EYA1: variants seen among roughly 807,000 people sequenced by gnomAD.
EYA1 encodes the protein protein phosphatase EYA1.
A neutral mutation model predicts 82.0 loss-of-function variants in EYA1; 16 were observed. That is an observed-to-expected ratio of 0.20 (90% CI 0.13 to 0.30). The LOEUF is 0.30. Ranked by LOEUF, EYA1 falls within the 10% of genes least tolerant of loss-of-function variation. EYA1 has a pLI of 1.00. For missense variants in EYA1, 633 were observed against 730.7 expected, an observed-to-expected ratio of 0.87 and a Z score of 1.54; for synonymous variants, 261 against 264.4, an observed-to-expected ratio of 0.99 and a Z score of 0.12.
chr8:71,225,365 C>A, intron 12 of EYA1: 1 of 455,638 alleles, frequency 2.2e-6, no homozygotes, highest in Non-Finnish European at 4.4e-6. Context: ...GCTGGCAGAC[C>A]CTGTCATCTC....
chr8:71,456,858 T>G (rs2129185416), intron 2 of EYA1, among the ~76,000 whole-genome samples: 1 of 152,306 alleles, frequency 6.6e-6, no homozygotes, highest in South Asian at 2.1e-4. Flanking sequence ...GGGCAAGGAC[T>G]TCATGTCTAA....
At chr8:71,437,901 A>G (rs185015969) in intron 2 of EYA1, among the ~76,000 whole-genome samples, 16 of 152,278 alleles carry the variant, frequency 1.1e-4, no homozygotes, top group African/African-American at 3.1e-4. Flanking sequence ...GAGGAATATG[A>G]CATTCAATTT....
At chr8:71,288,619 T>C (rs1256610115) in intron 9 of EYA1, among the ~76,000 whole-genome samples, 2 of 152,228 alleles carry the variant, frequency 1.3e-5, no homozygotes, top group Non-Finnish European at 2.9e-5. Flanking sequence ...TTTGTAGATA[T>C]AAGAGAGTAG....
chr8:71,498,213 C>A (rs1820255829), intron 2 of EYA1, among the ~76,000 whole-genome samples: 1 of 152,224 alleles, frequency 6.6e-6, no homozygotes, highest in East Asian at 1.9e-4. Flanking sequence ...GTTCTCACCA[C>A]AAAAATGGTA....
intron 4 of EYA1, among the ~76,000 whole-genome samples, chr8:71,326,422 A>T (rs1029498640): frequency 7.3e-5 from 11 of 151,712 alleles, no homozygotes; most frequent in Admixed American, 3.9e-4. Flanking sequence ...CTTCTCATTT[A>T]TCACTCTGTT....
In EYA1 at chr8:71,260,227, C is replaced by G. The variant is rs553324091; in HGVS notation, c.1050+9513G>C. Among the ~76,000 whole-genome samples, 185 of 152,218 alleles carry G rather than the reference C, an allele frequency of 1.2e-3. 2 individuals carry two copies. The highest frequency in any genetic ancestry group is 3.4e-3 in the Middle Eastern group (1 of 294). On this transcript the variant is annotated intron_variant, in intron 11 of 17. Transcript: ENST00000340726. ...TAAGTAAACACATAATATAAATTGTCTAATTTAAATGCTTTAAGTCAACAT... is the reference window on the plus strand; with the variant it reads ...TAAGTAAACACATAATATAAATTGTGTAATTTAAATGCTTTAAGTCAACAT...
At chr8:71,477,788 A>T (rs758846183) in intron 2 of EYA1, among the ~76,000 whole-genome samples, 6 of 152,230 alleles carry the variant, frequency 3.9e-5, no homozygotes, top group Non-Finnish European at 5.9e-5. Flanking sequence ...CTTGTAAAAG[A>T]ATGTTCACAG....
At chr8:71,448,025 T>TC (rs1554586955) in intron 2 of EYA1, among the ~76,000 whole-genome samples, 2 of 116,736 alleles carry the variant, frequency 1.7e-5, no homozygotes, top group African/African-American at 6.8e-5. Flanking sequence ...TTTTTTTTTT[T>TC]TCTCGCTCCG....
intron 16 of EYA1, among the ~76,000 whole-genome samples, chr8:71,212,963 G>A (rs1487873556): frequency 6.6e-6 from 1 of 152,114 alleles, no homozygotes; most frequent in Admixed American, 6.6e-5. Flanking sequence ...TGTAATCCCA[G>A]CTACCTGGGG....
At chr8:71,222,553 C>T (rs565239121) in intron 12 of EYA1, among the ~76,000 whole-genome samples, 2 of 152,278 alleles carry the variant, frequency 1.3e-5, no homozygotes, top group Admixed American at 1.3e-4. Context: ...TCTTCCTTCC[C>T]CCACAGCAAT....
At chr8:71,395,524 G>T (rs963213959) in intron 2 of EYA1, among the ~76,000 whole-genome samples, 1 of 152,146 alleles carries the variant, frequency 6.6e-6, no homozygotes, top group African/African-American at 2.4e-5. Context: ...TTTGTCAAAG[G>T]CCTTTTCTGC....
At chr8:71,199,719 T>C (rs978151921) in intron 17 of EYA1, among the ~76,000 whole-genome samples, 3 of 152,230 alleles carry the variant, frequency 2.0e-5, no homozygotes, top group Non-Finnish European at 2.9e-5. Flanking sequence ...AAAAGAACGT[T>C]GCCAAATATG....
Position 71,298,943 on chromosome 8 carries a change from G to A in EYA1, c.826+104C>T, listed in dbSNP as rs17783968. Reference sequence around the variant, plus strand: ...GACTTATATTTAGTCCTTGCCAAAAGCTGCCAAAATTGTGCAACCACTGCA... The same window carrying A: ...GACTTATATTTAGTCCTTGCCAAAAACTGCCAAAATTGTGCAACCACTGCA... On this transcript the variant is annotated intron_variant, in intron 9 of 17. Transcript: ENST00000340726. The A allele has an allele frequency of 0.065, 72,215 of 1,106,168 alleles. 2,756 individuals are homozygous for A. The highest frequency in any genetic ancestry group is 0.08 in the Non-Finnish European group (58,334 of 729,320). 68.5% of individuals were successfully genotyped at this position (1,106,168 alleles called of 1,614,324 possible).
intron 2 of EYA1, among the ~76,000 whole-genome samples, chr8:71,394,889 G>C (rs898162374): frequency 2.6e-5 from 4 of 152,122 alleles, no homozygotes; most frequent in African/African-American, 9.7e-5. Flanking sequence ...GGGCAGTATG[G>C]CCATTTTCAC....
At chr8:71,432,163 G>A (rs1805669387) in intron 2 of EYA1, among the ~76,000 whole-genome samples, 1 of 152,058 alleles carries the variant, frequency 6.6e-6, no homozygotes, top group Admixed American at 6.5e-5. Context: ...AGCCTCTTAT[G>A]GTTAAGAAGC....
chr8:71,519,008 G>T (rs1007491447), intron 2 of EYA1, among the ~76,000 whole-genome samples: 2 of 152,100 alleles, frequency 1.3e-5, no homozygotes, highest in African/African-American at 4.8e-5. Context: ...AGCAGTATTT[G>T]CCATTTATAT....
intron 2 of EYA1, among the ~76,000 whole-genome samples, chr8:71,440,599 G>A (rs1287437571): frequency 6.6e-6 from 1 of 152,142 alleles, no homozygotes; most frequent in East Asian, 1.9e-4. Flanking sequence ...GCTGAGTTCA[G>A]GTTCAGAACT....
At chr8:71,254,012 G>A (rs1197935130) in intron 11 of EYA1, among the ~76,000 whole-genome samples, 2 of 151,890 alleles carry the variant, frequency 1.3e-5, no homozygotes, top group Non-Finnish European at 2.9e-5. Flanking sequence ...TGGCAGCAAG[G>A]CTACAGATAT....
chr8:71,216,573 T>C (rs1585817243), intron 14 of EYA1, 119 bp downstream of exon 14: 1 of 1,098,694 alleles, frequency 9.1e-7, no homozygotes, highest in East Asian at 2.4e-5. Flanking sequence ...GCCAGTGAGA[T>C]GAAACTGCCC....
Sources: allele counts gnomAD v4.1 joint callset (sites outside exome capture counted in the v4.1 genomes callset), GRCh38; gene constraint gnomAD v4.1.1; transcripts MANE v1.5; gene names NCBI Gene and HGNC (gene_info 2026-07-23, HGNC 2026-07-21).